The following SPAG9 variants were observed in gnomAD, a reference collection of about 807,000 sequenced individuals.
The protein encoded by SPAG9 is sperm associated antigen 9, also known as C-Jun-amino-terminal kinase-interacting protein 4.
SPAG9 carries 35 observed loss-of-function variants against 166.5 expected under a neutral mutation model. The observed-to-expected ratio is 0.21, with a 90% CI of 0.16 to 0.28. The LOEUF (loss-of-function observed/expected upper bound fraction) is 0.28, where lower values mean the gene tolerates loss of function less well. Ranked by LOEUF, SPAG9 falls within the 10% of genes least tolerant of loss-of-function variation. SPAG9 has a pLI of 1.00. For synonymous variants in SPAG9, 534 were observed against 565.5 expected, an observed-to-expected ratio of 0.94 and a Z score of 0.79; for missense variants, 1,235 against 1,603.3, an observed-to-expected ratio of 0.77 and a Z score of 3.92.
At position 50,966,141 on chromosome 17, in the gene SPAG9, TTAACAG is replaced by T; in HGVS notation, c.*125_*130del. 1.4e-6 allele frequency: 1 copy of T among 694,584 alleles called. No individual in the cohort carries two copies. Among genetic ancestry groups the T allele is most frequent in the Non-Finnish European group, 2.6e-6 (1 of 385,038 alleles). 43.0% of individuals were successfully genotyped at this position (694,584 alleles called of 1,614,324 possible). A position where few individuals can be genotyped will look rare whatever the true frequency, so the allele number is the denominator to read the frequency against. ...GTAGAACGGATTTTGTAATATAAAG[TTAACAG>T]GAAAAAATGCTCACACATTATGTGG... On this transcript the variant is annotated 3_prime_UTR_variant, in exon 30 of 30. Coordinates refer to ENST00000262013, the MANE Select transcript of SPAG9 (RefSeq NM_001130528.3).
intron 2 of SPAG9, among the ~76,000 whole-genome samples, chr17:51,073,991 C>A (rs1386399884): frequency 6.6e-6 from 1 of 150,992 alleles, no homozygotes; most frequent in East Asian, 2.0e-4. Flanking sequence ...AATCCCAGCA[C>A]TTTGGGAGGC....
intron 29 of SPAG9, among the ~76,000 whole-genome samples, chr17:50,967,442 T>C (rs1022397072): frequency 2.0e-5 from 3 of 152,170 alleles, no homozygotes; most frequent in African/African-American, 7.2e-5. Flanking sequence ...AGGCCAAACT[T>C]TCCCTTACCC....
intron 1 of SPAG9, among the ~76,000 whole-genome samples, chr17:51,096,248 C>T (rs2048644637): frequency 6.6e-6 from 1 of 151,200 alleles, no homozygotes; most frequent in African/African-American, 2.4e-5. Flanking sequence ...ACTTGGGAGG[C>T]TGAGGCAGCA....
Position 51,049,325 on chromosome 17 carries a change from C to CCACT in SPAG9, c.496-1860_496-1857dup, listed in dbSNP as rs532600882. Among the ~76,000 whole-genome samples the CCACT allele has an allele frequency of 1.6e-4, 24 of 151,786 alleles. No individual in the cohort carries two copies. In the South Asian group the frequency reaches 4.6e-3, roughly 29 times the overall value. On this transcript the variant is annotated intron_variant, in intron 3 of 29. Coordinates refer to ENST00000262013, the MANE Select transcript of SPAG9 (RefSeq NM_001130528.3). ...AAGGCTGCTGTGAGCTATGATCATG[C>CCACT]CACTGCACTCCAGCCTGGGCAACAG...
intron 1 of SPAG9, among the ~76,000 whole-genome samples, chr17:51,099,725 A>G (rs547293802): frequency 7.2e-6 from 1 of 139,556 alleles, no homozygotes; most frequent in African/African-American, 2.7e-5. Context: ...TTGCTTCAAC[A>G]CTTGACTCTG....
At chr17:51,085,023 G>C (rs1005437367) in intron 1 of SPAG9, among the ~76,000 whole-genome samples, 10 of 151,704 alleles carry the variant, frequency 6.6e-5, no homozygotes, top group African/African-American at 2.4e-4. Context: ...GCTAATTTTG[G>C]TATTTTTAAT....
At chr17:51,037,491 T>C (rs1219529268) in intron 5 of SPAG9, among the ~76,000 whole-genome samples, 2 of 150,758 alleles carry the variant, frequency 1.3e-5, no homozygotes, top group African/African-American at 4.9e-5. Flanking sequence ...TGGACGTCTG[T>C]AATCCCAGCT....
chr17:51,005,968 G>T, intron 11 of SPAG9, 117 bp downstream of exon 11: 2 of 1,173,380 alleles, frequency 1.7e-6, no homozygotes, highest in Non-Finnish European at 1.2e-6. Context: ...CTCCCAGGCA[G>T]CTCTTGGCCT....
chr17:51,007,312 C>T lies in SPAG9; in HGVS notation c.1228G>A (p.Val410Ile). ...GADLLGMGRE[V>I]ENLILENTQL... is the part of the protein sequence containing the mutation. ...GTATTTTCTAATATAAGATTCTCAA[C>T]TTCCCGACCCATTCCTATCAAACGA... Residue 410 changes from valine to isoleucine, a missense_variant, in exon 10 of 30, where the codon GTT (valine) becomes ATT (isoleucine). Transcript: ENST00000262013. The T allele has an allele frequency of 6.3e-7, 1 of 1,579,770 alleles. No homozygotes were observed. The highest frequency in any genetic ancestry group is 8.6e-7 in the Non-Finnish European group (1 of 1,158,644).
intron 23 of SPAG9, among the ~76,000 whole-genome samples, chr17:50,985,366 A>C (rs1974965108): frequency 6.6e-6 from 1 of 152,232 alleles, no homozygotes. Context: ...ATAGAAAAGA[A>C]CTAGTAATCA....
chr17:51,022,659 T>C (rs983324802), intron 6 of SPAG9, among the ~76,000 whole-genome samples: 5 of 150,732 alleles, frequency 3.3e-5, no homozygotes, highest in Non-Finnish European at 5.9e-5. Flanking sequence ...ATAATAATAA[T>C]AACAATAGGC....
intron 2 of SPAG9, among the ~76,000 whole-genome samples, chr17:51,072,270 C>T (rs2047841041): frequency 6.6e-6 from 1 of 151,120 alleles, no homozygotes; most frequent in South Asian, 2.1e-4. Context: ...CGGAGTTTCA[C>T]CCTTTTGGCC....
rs1974947558 is a variant in SPAG9 at position 50,985,066 on chromosome 17, A to G, written c.3021-76T>C. ...GGACCACATGCTACTGAACTAGTTC[A>G]AGGCCTCACAAAGGGCCAATCTGTG... On this transcript the variant is annotated intron_variant, in intron 23 of 29. Transcript: ENST00000262013. 14 of 1,306,004 alleles carry G rather than the reference A, an allele frequency of 1.1e-5. No individual in the cohort carries two copies. In the South Asian group the frequency reaches 1.6e-4, roughly 15 times the overall value. 80.9% of individuals were successfully genotyped at this position (1,306,004 alleles called of 1,614,324 possible).
chr17:50,979,730 C>T lies in SPAG9; in HGVS notation c.3409+16G>A, dbSNP rs372341791. The stretch of plus-strand genomic sequence containing the variant: ...CCCTCTTTGACTGGTAAAGATAAAA[C>T]GCGTTGGAAGCTTACCTAACATTTT... On this transcript the variant is annotated intron_variant, in intron 26 of 29. Coordinates refer to ENST00000262013, the MANE Select transcript of SPAG9 (RefSeq NM_001130528.3). The T allele has an allele frequency of 7.4e-5, 119 of 1,600,094 alleles. No homozygotes were observed. Among genetic ancestry groups the T allele is most frequent in the Middle Eastern group, 5.0e-4 (3 of 6,034 alleles).
intron 24 of SPAG9, among the ~76,000 whole-genome samples, chr17:50,984,600 G>C (rs535868176): frequency 4.6e-5 from 7 of 152,216 alleles, no homozygotes; most frequent in African/African-American, 1.7e-4. Flanking sequence ...GCAGGAGAGT[G>C]GTGTGAACCC....
chr17:51,050,075 A>T (rs1169545000), intron 3 of SPAG9, among the ~76,000 whole-genome samples: 1 of 152,242 alleles, frequency 6.6e-6, no homozygotes, highest in Non-Finnish European at 1.5e-5. Flanking sequence ...ATGCAAAAAT[A>T]GTTCTCCCCC....
At chr17:51,026,674 C>CTTTTTTT (rs35339612) in intron 6 of SPAG9, among the ~76,000 whole-genome samples, 3 of 124,224 alleles carry the variant, frequency 2.4e-5, no homozygotes, top group Non-Finnish European at 5.1e-5. Flanking sequence ...TTTTTCTTTT[C>CTTTTTTT]TTTTTTTTTT....
In SPAG9 at chr17:51,093,246, A is replaced by G. The variant is rs186985803; in HGVS notation, c.304-13542T>C. 2.7e-3 allele frequency among the ~76,000 whole-genome samples: 414 copies of G among 152,232 alleles called. 1 individual carries two copies. Among genetic ancestry groups the G allele is most frequent in the Non-Finnish European group, 4.4e-3 (298 of 68,020 alleles). On this transcript the variant is annotated intron_variant, in intron 1 of 29. Coordinates refer to ENST00000262013, the MANE Select transcript of SPAG9 (RefSeq NM_001130528.3). ...AAAAATGAAAATAAATTATTGGAAT[A>G]AAAGTATCAGTGGTGTTTAATATGA...
chr17:51,053,851 AAAAGTATATATATATATATATAT>A (rs1217258265), intron 3 of SPAG9, among the ~76,000 whole-genome samples: 4 of 65,452 alleles, frequency 6.1e-5, no homozygotes, highest in Admixed American at 2.2e-4. Flanking sequence ...AAAAAAAAAA[AAAAGTATATATATATATATATAT>A]ATATATATAT....
Sources: gnomAD v4.1 joint callset for allele counts (sites outside exome capture counted in the v4.1 genomes callset) on GRCh38, gnomAD v4.1.1 for gene constraint, MANE v1.5 for transcripts, NCBI Gene and HGNC (gene_info 2026-07-23, HGNC 2026-07-21) for gene names.